TSHR: variants seen among roughly 807,000 people sequenced by gnomAD.
The protein encoded by TSHR is thyrotropin receptor.
In TSHR, 51 loss-of-function variants were observed where a neutral mutation model predicts 64.1. That is an observed-to-expected ratio of 0.80 (90% CI 0.64 to 1.01). TSHR has a LOEUF of 1.01. Ranked by LOEUF, TSHR falls within the 50% of genes least tolerant of loss-of-function variation. The pLI, the probability that TSHR is intolerant of heterozygous loss-of-function variation, is 0.00. For synonymous variants in TSHR, 361 were observed against 361.9 expected (o/e 1.00, Z 0.03); for missense variants, 877 against 942.8 (o/e 0.93, Z 0.91).
intron 1 of TSHR, among the ~76,000 whole-genome samples, chr14:80,990,723 C>T (rs185470511): frequency 1.9e-3 from 288 of 152,150 alleles, no homozygotes; most frequent in Non-Finnish European, 3.0e-3. Flanking sequence ...GGCACAGTCT[C>T]GGCTTACCGC....
intron 1 of TSHR, chr14:81,003,311 T>G (rs898701614): frequency 1.3e-5 from 2 of 152,276 alleles, no homozygotes; most frequent in Non-Finnish European, 2.9e-5. Flanking sequence ...TCATCCAATT[T>G]AAAGTGTCAG....
intron 1 of TSHR, among the ~76,000 whole-genome samples, chr14:80,984,443 G>A (rs1472763899): frequency 6.6e-6 from 1 of 152,138 alleles, no homozygotes; most frequent in African/African-American, 2.4e-5. Flanking sequence ...CTGTAAACTA[G>A]GTACTCGTGT....
chr14:81,046,721 C>T (rs1292591062), intron 1 of TSHR, among the ~76,000 whole-genome samples: 1 of 152,066 alleles, frequency 6.6e-6, no homozygotes, highest in Non-Finnish European at 1.5e-5. Flanking sequence ...CTCAATGAAT[C>T]TCAGGAAGAA....
chr14:80,966,396 T>A (rs1887299530), intron 1 of TSHR, among the ~76,000 whole-genome samples: 1 of 152,124 alleles, frequency 6.6e-6, no homozygotes, highest in African/African-American at 2.4e-5. Context: ...GATCCAAAGA[T>A]TTGAGATGAC....
intron 1 of TSHR, among the ~76,000 whole-genome samples, chr14:81,009,970 G>T (rs1889818322): frequency 6.6e-6 from 1 of 152,116 alleles, no homozygotes; most frequent in Non-Finnish European, 1.5e-5. Flanking sequence ...TCTTTGGAGT[G>T]ATTGTAGCAG....
At chr14:81,104,963 C>G in intron 7 of TSHR, 13 of 985,416 alleles carry the variant, frequency 1.3e-5, no homozygotes, top group South Asian at 4.7e-5. Context: ...TAAGCCCTTT[C>G]CAGCATAGAT....
At chr14:81,082,748 T>C (rs943723987) in intron 3 of TSHR, among the ~76,000 whole-genome samples, 1 of 152,226 alleles carries the variant, frequency 6.6e-6, no homozygotes, top group Non-Finnish European at 1.5e-5. Flanking sequence ...CTGTGGCAGC[T>C]TCTCTTCTGA....
chr14:81,064,402 T>A (rs1886457518), intron 2 of TSHR, among the ~76,000 whole-genome samples: 1 of 152,114 alleles, frequency 6.6e-6, no homozygotes, highest in South Asian at 2.1e-4. Flanking sequence ...TCAGGGGGTA[T>A]GTTAGGAATT....
chr14:81,035,961 C>T (rs2139832294), intron 1 of TSHR, among the ~76,000 whole-genome samples: 1 of 152,152 alleles, frequency 6.6e-6, no homozygotes, highest in East Asian at 1.9e-4. Context: ...CAATTCAGAG[C>T]TTCAATAGCA....
rs536847097 is a variant in TSHR, at chr14:81,066,124, A to G, written c.243-2130A>G. On this transcript the variant is annotated intron_variant, in intron 2 of 9. Coordinates refer to ENST00000298171, the MANE Select transcript of TSHR (RefSeq NM_000369.5). ...CACAACCAAGCAATCACAGCCATAC[A>G]AAAAGATGTCATTAGGTTGGAGAAA... is the stretch of plus-strand genomic sequence containing the variant. Among the ~76,000 whole-genome samples, 8 of 152,332 alleles carry G rather than the reference A, an allele frequency of 5.3e-5. No homozygotes were observed. The East Asian group carries it at 1.5e-3, about 29-fold the overall frequency.
At position 81,062,133 on chromosome 14, in the gene TSHR, CTG is replaced by C. The variant is rs759681238; in HGVS notation, c.171-13_171-12del. The C allele has an allele frequency of 3.7e-6, 6 of 1,603,364 alleles. No individual in the cohort carries two copies. The South Asian group carries it at 6.6e-5, about 18-fold the overall frequency. On this transcript the variant is annotated splice_polypyrimidine_tract_variant and intron_variant, in intron 1 of 9. Coordinates refer to ENST00000298171, the MANE Select transcript of TSHR (RefSeq NM_000369.5). The stretch of plus-strand genomic sequence containing the variant: ...AATGATTAAAACTCTAATTATGTAA[CTG>C]TTATTTTCACAGGAAGCTTATTGAG...
At chr14:81,098,066 A>G (rs997564414) in intron 7 of TSHR, among the ~76,000 whole-genome samples, 2 of 152,146 alleles carry the variant, frequency 1.3e-5, no homozygotes, top group African/African-American at 2.4e-5. Context: ...ACTTTTCAAC[A>G]TATTTATTAG....
chr14:81,008,175 CT>C (rs34516600), intron 1 of TSHR, among the ~76,000 whole-genome samples: 85,875 of 128,518 alleles, frequency 0.67, 27,399 homozygotes, highest in South Asian at 0.75. Flanking sequence ...TTCTTTCTTT[CT>C]TTTTTTTTTT....
At chr14:80,995,444 T>C (rs1262160731) in intron 1 of TSHR, 1 of 152,172 alleles carries the variant, frequency 6.6e-6, no homozygotes. Flanking sequence ...CCATCAGTGA[T>C]AGACTGGATT....
intron 8 of TSHR, among the ~76,000 whole-genome samples, chr14:81,112,569 C>T (rs1890271202): frequency 6.6e-6 from 1 of 152,206 alleles, no homozygotes; most frequent in South Asian, 2.1e-4. Flanking sequence ...CCTCTCATTC[C>T]TATCCAATCC....
At chr14:81,043,115 A>C (rs982150952) in intron 1 of TSHR, among the ~76,000 whole-genome samples, 2 of 152,132 alleles carry the variant, frequency 1.3e-5, no homozygotes, top group Admixed American at 1.3e-4. Flanking sequence ...AGAAATAAAG[A>C]GTATTCAGAT....
chr14:81,005,362 T>C (rs7155069), intron 1 of TSHR, among the ~76,000 whole-genome samples: 128,803 of 152,066 alleles, frequency 0.85, 54,796 homozygotes, highest in East Asian at 0.99. Flanking sequence ...TATAATATAC[T>C]ATGTAAATTA....
At chr14:81,126,577 T>G (rs1891029332) in intron 8 of TSHR, among the ~76,000 whole-genome samples, 1 of 152,206 alleles carries the variant, frequency 6.6e-6, no homozygotes, top group Non-Finnish European at 1.5e-5. Flanking sequence ...CTTTTTACCT[T>G]GACAAAAACT....
chr14:81,037,813 G>A (rs543528833), intron 1 of TSHR, among the ~76,000 whole-genome samples: 8 of 151,728 alleles, frequency 5.3e-5, no homozygotes, highest in African/African-American at 1.9e-4. Flanking sequence ...CCCAACACTA[G>A]AGCATATATA....
Sources: gnomAD v4.1 joint callset for allele counts (sites outside exome capture counted in the v4.1 genomes callset) on GRCh38, gnomAD v4.1.1 for gene constraint, MANE v1.5 for transcripts, NCBI Gene and HGNC (gene_info 2026-07-23, HGNC 2026-07-21) for gene names.